LRFN5: variants seen among roughly 807,000 people sequenced by gnomAD.
LRFN5 encodes leucine-rich repeat and fibronectin type-III domain-containing protein 5.
In LRFN5, 24 loss-of-function variants were observed where a neutral mutation model predicts 45.6. The observed-to-expected ratio is 0.53, with a 90% CI of 0.38 to 0.74. The LOEUF (loss-of-function observed/expected upper bound fraction) is 0.74. Ranked by LOEUF, LRFN5 falls within the 30% of genes least tolerant of loss-of-function variation. LRFN5 has a pLI of 0.00. For synonymous variants in LRFN5, 340 were observed against 313.8 expected, an observed-to-expected ratio of 1.08 and a Z score of -0.88; for missense variants, 776 against 861.5, an observed-to-expected ratio of 0.90 and a Z score of 1.24.
At chr14:41,613,756 A>G (rs932871528) in intron 1 of LRFN5, among the ~76,000 whole-genome samples, 7 of 152,010 alleles carry the variant, frequency 4.6e-5, no homozygotes, top group African/African-American at 1.4e-4. Context: ...AATTCATTCA[A>G]TAGATGCTCA....
chr14:41,612,264 T>A (rs1887783018), intron 1 of LRFN5, among the ~76,000 whole-genome samples: 1 of 152,150 alleles, frequency 6.6e-6, no homozygotes, highest in Non-Finnish European at 1.5e-5. Context: ...AAATTATATA[T>A]TTAAAAATAA....
intron 2 of LRFN5, among the ~76,000 whole-genome samples, chr14:41,873,392 A>G (rs1002770801): frequency 2.0e-5 from 3 of 146,750 alleles, no homozygotes; most frequent in Non-Finnish European, 4.5e-5. Flanking sequence ...AAGAGAGAGA[A>G]AGAGAGAGGA....
chr14:41,715,502 A>G (rs1055085009), intron 1 of LRFN5, among the ~76,000 whole-genome samples: 1 of 152,198 alleles, frequency 6.6e-6, no homozygotes, highest in Middle Eastern at 3.4e-3. Flanking sequence ...CTTAACTTTA[A>G]TTTTCAGATG....
chr14:41,787,746 TG>T lies in LRFN5; in HGVS notation c.-21+20718del, dbSNP rs566791451. Among the ~76,000 whole-genome samples, 295 of 152,178 alleles carry T rather than the reference TG, an allele frequency of 1.9e-3. 1 individual carries two copies. The highest frequency in any genetic ancestry group is 4.6e-4 in the Admixed American group (7 of 15,260). ...CCTATTGCTATTTGTATTTTCTCCTTGTAGTTTTTCATTAGTTTATATTTTA... is the reference window on the plus strand; with the variant it reads ...CCTATTGCTATTTGTATTTTCTCCTTTAGTTTTTCATTAGTTTATATTTTA... On this transcript the variant is annotated intron_variant, in intron 2 of 5. Transcript: ENST00000298119.
intron 1 of LRFN5, among the ~76,000 whole-genome samples, chr14:41,724,287 A>G (rs564896041): frequency 8.5e-5 from 13 of 152,132 alleles, no homozygotes; most frequent in South Asian, 6.2e-4. Flanking sequence ...CCATCTTGGG[A>G]AAAAAAACTA....
At chr14:41,694,196 T>C (rs1420502517) in intron 1 of LRFN5, among the ~76,000 whole-genome samples, 3 of 151,996 alleles carry the variant, frequency 2.0e-5, no homozygotes, top group Non-Finnish European at 4.4e-5. Flanking sequence ...TGGAGATACA[T>C]TTGAAATTTA....
intron 2 of LRFN5, among the ~76,000 whole-genome samples, chr14:41,847,980 A>G (rs1489892372): frequency 6.6e-6 from 1 of 152,186 alleles, no homozygotes; most frequent in East Asian, 1.9e-4. Flanking sequence ...AAACACATGC[A>G]GAAATGATGT....
chr14:41,759,448 TACACACACAC>T (rs569216156), intron 1 of LRFN5, among the ~76,000 whole-genome samples: 102 of 109,738 alleles, frequency 9.3e-4, no homozygotes, highest in Admixed American at 2.6e-3. Context: ...TCTCTCTCTC[TACACACACAC>T]ACACACACAC....
intron 4 of LRFN5, chr14:41,894,610 T>A (rs1890880839): frequency 1.0e-6 from 1 of 979,986 alleles, no homozygotes; most frequent in Admixed American, 6.2e-5. Context: ...TATGAAGAAA[T>A]TTTTGCTTCA....
At chr14:41,711,301 A>G (rs555001356) in intron 1 of LRFN5, among the ~76,000 whole-genome samples, 5 of 152,318 alleles carry the variant, frequency 3.3e-5, no homozygotes, top group African/African-American at 4.8e-5. Flanking sequence ...TATAAAAACT[A>G]TAAAGTAGTC....
intron 1 of LRFN5, among the ~76,000 whole-genome samples, chr14:41,765,797 C>T (rs775092431): frequency 2.0e-5 from 3 of 152,038 alleles, no homozygotes; most frequent in African/African-American, 4.8e-5. Context: ...TATTTAATTG[C>T]ACAAGTAATC....
intron 2 of LRFN5, among the ~76,000 whole-genome samples, chr14:41,847,700 G>A (rs898337311): frequency 1.3e-4 from 20 of 151,674 alleles, no homozygotes; most frequent in African/African-American, 4.8e-4. Context: ...AATTGGTGGA[G>A]GAATATATAT....
At chr14:41,839,446 C>T (rs2139050868) in intron 2 of LRFN5, among the ~76,000 whole-genome samples, 1 of 152,216 alleles carries the variant, frequency 6.6e-6, no homozygotes, top group East Asian at 1.9e-4. Flanking sequence ...ATAATGATGA[C>T]TGCATGATCA....
intron 2 of LRFN5, among the ~76,000 whole-genome samples, chr14:41,826,266 T>C (rs190714391): frequency 6.6e-6 from 1 of 152,306 alleles, no homozygotes; most frequent in East Asian, 1.9e-4. Flanking sequence ...GTAGATACTT[T>C]AAAAGTGACT....
intron 2 of LRFN5, among the ~76,000 whole-genome samples, chr14:41,868,181 C>A (rs923739053): frequency 6.6e-6 from 1 of 152,002 alleles, no homozygotes; most frequent in Non-Finnish European, 1.5e-5. Context: ...CAAGACATAG[C>A]CCTTCAAAAG....
intron 5 of LRFN5, among the ~76,000 whole-genome samples, chr14:41,903,146 T>C (rs1271021836): frequency 6.6e-6 from 1 of 151,556 alleles, no homozygotes; most frequent in Non-Finnish European, 1.5e-5. Context: ...AGATTATCAA[T>C]TATTTTGAAA....
At chr14:41,817,076 G>A (rs954145845) in intron 2 of LRFN5, among the ~76,000 whole-genome samples, 15 of 146,474 alleles carry the variant, frequency 1.0e-4, no homozygotes, top group Admixed American at 6.9e-4. Flanking sequence ...GTAAGCCCAT[G>A]AAGGTAATTC....
At chr14:41,632,184 G>A (rs527677131) in intron 1 of LRFN5, among the ~76,000 whole-genome samples, 7 of 152,028 alleles carry the variant, frequency 4.6e-5, no homozygotes, top group East Asian at 1.9e-4. Context: ...GTAGCATTTC[G>A]GGGAATAGTA....
chr14:41,790,177 T>C (rs1886868807), intron 2 of LRFN5, among the ~76,000 whole-genome samples: 1 of 151,990 alleles, frequency 6.6e-6, no homozygotes, highest in Admixed American at 6.6e-5. Context: ...GAGACACTTT[T>C]TCTAGGAATT....
Sources: gnomAD v4.1 joint callset for allele counts (sites outside exome capture counted in the v4.1 genomes callset) on GRCh38, gnomAD v4.1.1 for gene constraint, MANE v1.5 for transcripts, NCBI Gene and HGNC (gene_info 2026-07-23, HGNC 2026-07-21) for gene names.